The following SMAD1 variants were observed in gnomAD, a reference collection of about 807,000 sequenced individuals.
The protein encoded by SMAD1 is SMAD family member 1.
SMAD1 carries 6 observed loss-of-function variants against 41.6 expected under a neutral mutation model. The observed-to-expected ratio is 0.14, with a 90% CI of 0.08 to 0.28. SMAD1 has a LOEUF of 0.28. Ranked by LOEUF, SMAD1 falls within the 10% of genes least tolerant of loss-of-function variation. The probability of loss-of-function intolerance (pLI) is 1.00; values close to 1 mark genes in which losing one functional copy is unlikely to be tolerated. For missense variants in SMAD1, 379 were observed against 582.6 expected (o/e 0.65, Z 3.60); for synonymous variants, 206 against 203.2 (o/e 1.01, Z -0.12).
intron 1 of SMAD1, among the ~76,000 whole-genome samples, chr4:145,486,225 A>G (rs1728475441): frequency 6.6e-6 from 1 of 152,240 alleles, no homozygotes; most frequent in African/African-American, 2.4e-5. Flanking sequence ...TAAGCAGCAC[A>G]TAATTTGAAG....
chr4:145,515,170 G>GTGTGTGTGTC lies in SMAD1; in HGVS notation c.400+164_400+165insGTCTGTGTGT, dbSNP rs1553945852. On this transcript the variant is annotated intron_variant, in intron 2 of 6. Coordinates refer to ENST00000302085, the MANE Select transcript of SMAD1 (RefSeq NM_005900.3). ...TGTGTGTGTGTGTGTGTGTGTGTGT[G>GTGTGTGTGTC]TGTGTGTCTGTGTGAATGCAAGAGA... 4.3e-3 allele frequency among the ~76,000 whole-genome samples: 644 copies of GTGTGTGTGTC among 150,026 alleles called. 2 individuals carry two copies. Among genetic ancestry groups the GTGTGTGTGTC allele is most frequent in the Non-Finnish European group, 6.4e-3 (433 of 67,616 alleles).
At chr4:145,528,435 T>G (rs1375075999) in intron 2 of SMAD1, among the ~76,000 whole-genome samples, 1 of 150,920 alleles carries the variant, frequency 6.6e-6, no homozygotes, top group Non-Finnish European at 1.5e-5. Flanking sequence ...AGACGGGGGG[T>G]TTCACTATGT....
At chr4:145,490,168 G>C (rs1299724973) in intron 1 of SMAD1, among the ~76,000 whole-genome samples, 1 of 152,208 alleles carries the variant, frequency 6.6e-6, no homozygotes, top group African/African-American at 2.4e-5. Flanking sequence ...AGGTTGAGGG[G>C]AAGAAGTCAG....
intron 1 of SMAD1, among the ~76,000 whole-genome samples, chr4:145,489,478 TAAATA>T (rs147845540): frequency 0.11 from 17,031 of 151,756 alleles, 2,923 homozygotes; most frequent in African/African-American, 0.37. Context: ...AATAAATAAA[TAAATA>T]AAATAAAACA....
chr4:145,518,516 G>A lies in SMAD1; in HGVS notation c.400+3503G>A, dbSNP rs377296319. On this transcript the variant is annotated intron_variant, in intron 2 of 6. Transcript: ENST00000302085. The stretch of plus-strand genomic sequence containing the variant: ...AAAAAAAAAAATAAAAATGTGCAAG[G>A]TGACTTAGCCCCTCACACTGCCAGA... Among the ~76,000 whole-genome samples, 13 of 123,648 alleles carry A rather than the reference G, an allele frequency of 1.1e-4. 4 individuals are homozygous for A. Among genetic ancestry groups the A allele is most frequent in the Non-Finnish European group, 1.8e-4 (9 of 50,266 alleles). The allele number at this position is 123,648 out of a possible 152,430, so 81.1% of individuals were successfully genotyped here.
chr4:145,491,891 C>T (rs1728787919), intron 1 of SMAD1, among the ~76,000 whole-genome samples: 1 of 152,068 alleles, frequency 6.6e-6, no homozygotes. Context: ...GTGGCATTTG[C>T]TCATTGATGT....
intron 2 of SMAD1, among the ~76,000 whole-genome samples, chr4:145,535,356 CT>C (rs960682195): frequency 3.9e-4 from 60 of 152,298 alleles, no homozygotes; most frequent in African/African-American, 1.4e-3. Flanking sequence ...GAAGATACAC[CT>C]TTGACAGTGC....
Position 145,529,753 on chromosome 4 carries a change from T to C in SMAD1, c.401-10051T>C, listed in dbSNP as rs142836971. ...GAAATTTGACTTAAGATGAGAAAAA[T>C]TGAAGTTCAAGTTCCACAGCTACTT... is the stretch of plus-strand genomic sequence containing the variant. On this transcript the variant is annotated intron_variant, in intron 2 of 6. Transcript: ENST00000302085. 9.7e-3 allele frequency among the ~76,000 whole-genome samples: 1,477 copies of C among 152,274 alleles called. 24 individuals are homozygous for C. The highest frequency in any genetic ancestry group is 0.013 in the Admixed American group (198 of 15,292).
Position 145,490,289 on chromosome 4 carries a change from G to A in SMAD1, c.-177+8251G>A, listed in dbSNP as rs377032358. On this transcript the variant is annotated intron_variant, in intron 1 of 6. Coordinates refer to ENST00000302085, the MANE Select transcript of SMAD1 (RefSeq NM_005900.3). The stretch of plus-strand genomic sequence containing the variant: ...CTGAGAAAGAAACAGAATGGGGTCC[G>A]AGTGAGAAGAAAGCATGTGGCAGAG... Among the ~76,000 whole-genome samples the A allele has an allele frequency of 4.3e-4, 65 of 152,278 alleles. 1 individual carries two copies. The South Asian group carries it at 0.012, about 28-fold the overall frequency.
At chr4:145,521,062 C>T (rs1420379497) in intron 2 of SMAD1, among the ~76,000 whole-genome samples, 2 of 152,204 alleles carry the variant, frequency 1.3e-5, no homozygotes, top group East Asian at 1.9e-4. Context: ...TGAATACTTA[C>T]AGGAAAGAGA....
intron 2 of SMAD1, among the ~76,000 whole-genome samples, chr4:145,520,964 T>G (rs1460517648): frequency 6.6e-6 from 1 of 152,206 alleles, no homozygotes; most frequent in East Asian, 1.9e-4. Flanking sequence ...AACCTTCCTT[T>G]TGTTGAAATT....
upstream of SMAD1, chr4:145,481,514 A>G (rs1728168167): frequency 6.6e-6 from 1 of 152,166 alleles, no homozygotes. Flanking sequence ...CTTGCAGATA[A>G]TGGACTAAGT....
chr4:145,505,930 C>T (rs1173138448), intron 1 of SMAD1, among the ~76,000 whole-genome samples: 2 of 151,918 alleles, frequency 1.3e-5, no homozygotes, highest in African/African-American at 2.4e-5. Context: ...CTGCAACCTC[C>T]ACCTCCCTGT....
intron 1 of SMAD1, among the ~76,000 whole-genome samples, chr4:145,502,123 A>T (rs572048759): frequency 6.6e-6 from 1 of 152,214 alleles, no homozygotes; most frequent in Non-Finnish European, 1.5e-5. Flanking sequence ...GGGATAGTCA[A>T]TAAAATTAAA....
chr4:145,555,077 G>C (rs1732764858), intron 6 of SMAD1, among the ~76,000 whole-genome samples: 1 of 152,000 alleles, frequency 6.6e-6, no homozygotes, highest in Non-Finnish European at 1.5e-5. Context: ...GTTTGTTTTT[G>C]TGTGTTTGTT....
intron 4 of SMAD1, 41 bp from the exon 5 acceptor site, chr4:145,546,662 A>G: frequency 1.4e-6 from 2 of 1,434,608 alleles, no homozygotes; most frequent in Non-Finnish European, 2.0e-6. Flanking sequence ...TGAGAGCCTG[A>G]GGCACTAACC....
intron 6 of SMAD1, among the ~76,000 whole-genome samples, chr4:145,555,324 G>A (rs1229294728): frequency 6.6e-6 from 1 of 152,184 alleles, no homozygotes; most frequent in Admixed American, 6.5e-5. Context: ...TGCCAGAAGT[G>A]TTTTTGTTTA....
chr4:145,481,283 C>T (rs929473510), upstream of SMAD1: 6 of 152,068 alleles, frequency 3.9e-5, no homozygotes, highest in Admixed American at 1.3e-4. Context: ...TGTATAACCA[C>T]GTGCAGTATT....
chr4:145,530,240 A>G (rs1005442869), intron 2 of SMAD1, among the ~76,000 whole-genome samples: 3 of 152,132 alleles, frequency 2.0e-5, no homozygotes, highest in Non-Finnish European at 4.4e-5. Context: ...ATTCTTTTCT[A>G]CCAGGGGTGG....
Sources: allele counts gnomAD v4.1 joint callset (sites outside exome capture counted in the v4.1 genomes callset), GRCh38; gene constraint gnomAD v4.1.1; transcripts MANE v1.5; gene names NCBI Gene and HGNC (gene_info 2026-07-23, HGNC 2026-07-21).